ZNF804A: variants seen among roughly 807,000 people sequenced by gnomAD.
ZNF804A encodes zinc finger protein 804A.
ZNF804A carries 2 observed loss-of-function variants against 16.5 expected under a neutral mutation model. The ratio of observed to expected loss-of-function variants is 0.12; its 90% CI spans 0.05 to 0.38. ZNF804A has a LOEUF of 0.38. Ranked by LOEUF, ZNF804A falls within the 10% of genes least tolerant of loss-of-function variation. The pLI, the probability that ZNF804A is intolerant of heterozygous loss-of-function variation, is 0.99. For missense variants in ZNF804A, 1,473 were observed against 1,390.7 expected (o/e 1.06, Z -0.94); for synonymous variants, 534 against 489.6 (o/e 1.09, Z -1.20).
intron 2 of ZNF804A, among the ~76,000 whole-genome samples, chr2:184,922,801 C>A (rs1488266645): frequency 6.6e-6 from 1 of 152,082 alleles, no homozygotes; most frequent in Non-Finnish European, 1.5e-5. Context: ...TTTCTCAGTG[C>A]AATTTATTGA....
At chr2:184,880,831 A>G (rs1684798854) in intron 2 of ZNF804A, among the ~76,000 whole-genome samples, 1 of 152,066 alleles carries the variant, frequency 6.6e-6, no homozygotes, top group South Asian at 2.1e-4. Context: ...TTTTATAACA[A>G]CACCAATACC....
intron 1 of ZNF804A, among the ~76,000 whole-genome samples, chr2:184,860,973 T>A (rs1239753354): frequency 2.6e-5 from 4 of 152,180 alleles, no homozygotes; most frequent in Non-Finnish European, 4.4e-5. Flanking sequence ...GTCCAGAGCC[T>A]GGGGCTACTG....
chr2:184,851,191 G>C (rs1196585105), intron 1 of ZNF804A, among the ~76,000 whole-genome samples: 1 of 151,806 alleles, frequency 6.6e-6, no homozygotes, highest in Non-Finnish European at 1.5e-5. Context: ...TGTTTGTGGA[G>C]AGAGCACGTA....
intron 1 of ZNF804A, among the ~76,000 whole-genome samples, chr2:184,642,216 G>A (rs1439667485): frequency 6.6e-6 from 1 of 152,014 alleles, no homozygotes; most frequent in Admixed American, 6.6e-5. Context: ...TGTATTTCAA[G>A]GTATTAAATT....
intron 1 of ZNF804A, among the ~76,000 whole-genome samples, chr2:184,742,808 A>G (rs1165242107): frequency 6.6e-6 from 1 of 151,762 alleles, no homozygotes; most frequent in Non-Finnish European, 1.5e-5. Context: ...ATGTGTGTGT[A>G]TATATATAAC....
At position 184,939,066 on chromosome 2, in the gene ZNF804A, A is replaced by C; in HGVS notation, c.*40A>C. On this transcript the variant is annotated 3_prime_UTR_variant, in exon 4 of 4. Transcript: ENST00000302277. ...GGAAAAAAATACTCTTGTGAAAACT[A>C]TTGCTATATGCGTTAAGTGTTCATC... 1 of 1,595,626 alleles carries C rather than the reference A, an allele frequency of 6.3e-7. No homozygotes were observed. The highest frequency in any genetic ancestry group is 8.6e-7 in the Non-Finnish European group (1 of 1,169,084).
At chr2:184,709,847 G>C (rs955157499) in intron 1 of ZNF804A, among the ~76,000 whole-genome samples, 1 of 147,426 alleles carries the variant, frequency 6.8e-6, no homozygotes, top group Non-Finnish European at 1.5e-5. Flanking sequence ...TATTTTTATA[G>C]TATATATTAT....
At chr2:184,640,078 C>A (rs72897775) in intron 1 of ZNF804A, among the ~76,000 whole-genome samples, 16,615 of 151,614 alleles carry the variant, frequency 0.11, 1,174 homozygotes, top group Non-Finnish European at 0.16. Context: ...ACATATAAAT[C>A]TAGCCTTGAT....
chr2:184,670,448 G>C (rs1692324279), intron 1 of ZNF804A, among the ~76,000 whole-genome samples: 1 of 151,964 alleles, frequency 6.6e-6, no homozygotes, highest in African/African-American at 2.4e-5. Flanking sequence ...GATGCCTATT[G>C]ATGGCTCAGA....
At chr2:184,827,013 C>A (rs559074667) in intron 1 of ZNF804A, among the ~76,000 whole-genome samples, 29 of 151,730 alleles carry the variant, frequency 1.9e-4, no homozygotes, top group African/African-American at 7.0e-4. Context: ...TATATTTTTG[C>A]CCTACCACTC....
At chr2:184,892,520 T>A (rs1286996691) in intron 2 of ZNF804A, among the ~76,000 whole-genome samples, 1 of 142,530 alleles carries the variant, frequency 7.0e-6, no homozygotes, top group Non-Finnish European at 1.5e-5. Flanking sequence ...AGTCTTGCTC[T>A]GTTGCCTAGG....
intron 1 of ZNF804A, among the ~76,000 whole-genome samples, chr2:184,772,324 C>A (rs1694228573): frequency 6.7e-6 from 1 of 149,646 alleles, no homozygotes; most frequent in Non-Finnish European, 1.5e-5. Context: ...CCTTATGCAA[C>A]AAATGATCCA....
intron 2 of ZNF804A, among the ~76,000 whole-genome samples, chr2:184,928,158 G>T (rs909577661): frequency 2.6e-5 from 4 of 152,194 alleles, no homozygotes; most frequent in Admixed American, 2.6e-4. Context: ...ATTGCTGCTG[G>T]TTATTCAGGA....
intron 1 of ZNF804A, among the ~76,000 whole-genome samples, chr2:184,772,999 T>C (rs1265420044): frequency 6.8e-6 from 1 of 147,552 alleles, no homozygotes; most frequent in Non-Finnish European, 1.5e-5. Context: ...GTGGGGTGTG[T>C]GTGTGTATAT....
At chr2:184,609,030 G>A (rs1691195661) in intron 1 of ZNF804A, among the ~76,000 whole-genome samples, 1 of 152,184 alleles carries the variant, frequency 6.6e-6, no homozygotes, top group Admixed American at 6.5e-5. Flanking sequence ...ACGAATTCAA[G>A]GAGGACATAG....
chr2:184,665,642 G>A (rs1264037756), intron 1 of ZNF804A, among the ~76,000 whole-genome samples: 3 of 152,224 alleles, frequency 2.0e-5, no homozygotes, highest in Non-Finnish European at 4.4e-5. Flanking sequence ...TGGGTCAGCT[G>A]TTATCTGGAA....
chr2:184,893,749 G>C (rs1275578093), intron 2 of ZNF804A, among the ~76,000 whole-genome samples: 1 of 152,116 alleles, frequency 6.6e-6, no homozygotes, highest in Non-Finnish European at 1.5e-5. Flanking sequence ...CATAGACTTT[G>C]TGAAGATCAT....
intron 1 of ZNF804A, among the ~76,000 whole-genome samples, chr2:184,846,099 G>A (rs1395067003): frequency 1.3e-5 from 2 of 152,060 alleles, no homozygotes; most frequent in Non-Finnish European, 2.9e-5. Flanking sequence ...CTCAAGCTTC[G>A]TATGTGTCAG....
At chr2:184,694,626 A>G (rs1692790187) in intron 1 of ZNF804A, among the ~76,000 whole-genome samples, 2 of 152,204 alleles carry the variant, frequency 1.3e-5, no homozygotes, top group African/African-American at 4.8e-5. Context: ...CAAAACTTCA[A>G]GAACATAAAA....
Sources: allele counts gnomAD v4.1 joint callset (sites outside exome capture counted in the v4.1 genomes callset), GRCh38; gene constraint gnomAD v4.1.1; transcripts MANE v1.5; gene names NCBI Gene and HGNC (gene_info 2026-07-23, HGNC 2026-07-21).